GDF6: variants seen among roughly 807,000 people sequenced by gnomAD.
GDF6 encodes the protein growth/differentiation factor 6.
Under a neutral mutation model 32.4 loss-of-function variants are expected in GDF6, and 3 were observed. That is an observed-to-expected ratio of 0.09 (90% CI 0.04 to 0.24). The LOEUF (loss-of-function observed/expected upper bound fraction) is 0.24. Ranked by LOEUF, GDF6 falls within the 10% of genes least tolerant of loss-of-function variation. The pLI, the probability that GDF6 is intolerant of heterozygous loss-of-function variation, is 1.00. For synonymous variants in GDF6, 296 were observed against 295.3 expected (o/e 1.00, Z -0.03); for missense variants, 589 against 637.9 (o/e 0.92, Z 0.83).
rs527612795 is a variant in GDF6 at position 96,160,598 on chromosome 8, G to C, written c.95C>G (p.Ser32Trp). The part of the protein sequence containing the change: ...GFQQASISSS[S>W]SSAELGSTKG... ...GGTGGAACCCAGCTCGGCGGACGAC[G>C]AGGAGGATGAGATGGAAGCCTGCTG... is the stretch of plus-strand genomic sequence containing the variant. Residue 32 changes from serine (S) to tryptophan (W), a missense_variant, in exon 1 of 2, where the codon TCG (serine) becomes TGG (tryptophan). Ser to Trp is a radical substitution (Grantham distance 177). Coordinates refer to ENST00000287020, the MANE Select transcript of GDF6 (RefSeq NM_001001557.4). The C allele has an allele frequency of 1.2e-6, 2 of 1,613,584 alleles. No homozygotes were observed. Among genetic ancestry groups the C allele is most frequent in the African/African-American group, 1.3e-5 (1 of 74,934 alleles).
Position 96,160,793 on chromosome 8 carries a change from C to A in GDF6, c.-101G>T. 1.7e-6 allele frequency: 2 copies of A among 1,210,554 alleles called. No homozygotes were observed. The highest frequency in any genetic ancestry group is 1.4e-5 in the South Asian group (1 of 71,170). The allele number at this position is 1,210,554 out of a possible 1,614,324, so 75.0% of individuals were successfully genotyped here. On this transcript the variant is annotated 5_prime_UTR_variant, in exon 1 of 2. Transcript: ENST00000287020. Reference sequence around the variant, plus strand: ...AGCGGCCGGGGCCCGGCTCCTCGGGCGGACTCGGAGTGCGAGGAGCCGGGT... The same window carrying A: ...AGCGGCCGGGGCCCGGCTCCTCGGGAGGACTCGGAGTGCGAGGAGCCGGGT...
At chr8:96,160,155 A>G (rs563681531) in intron 1 of GDF6, 132 bp downstream of exon 1, 30 of 982,720 alleles carry the variant, frequency 3.1e-5, no homozygotes, top group Non-Finnish European at 4.6e-5. Context: ...CTTGAGAAAA[A>G]CAATTTAAGA....
chr8:96,156,378 CT>C (rs2130230143), intron 1 of GDF6, among the ~76,000 whole-genome samples: 5 of 492 alleles, frequency 0.01, no homozygotes, highest in East Asian at 0.12. Flanking sequence ...CTCTCTTTCC[CT>C]CTCTCTCTCT....
intron 1 of GDF6, 71 bp downstream of exon 1, chr8:96,160,216 T>A: frequency 1.4e-6 from 2 of 1,474,714 alleles, no homozygotes; most frequent in Non-Finnish European, 1.9e-6. Flanking sequence ...AAATGTAGCC[T>A]CCAGCGGGAA....
Position 96,145,618 on chromosome 8 carries a change from G to T in GDF6, c.407-94C>A. 4 of 1,506,192 alleles carry T rather than the reference G, an allele frequency of 2.7e-6. No individual in the cohort carries two copies. The South Asian group carries it at 4.6e-5, about 17-fold the overall frequency. The allele number at this position is 1,506,192 out of a possible 1,614,324, so 93.3% of individuals were successfully genotyped here. On this transcript the variant is annotated intron_variant, in intron 1 of 1. Transcript: ENST00000287020. The surrounding 1 kb of genome is among the most constrained non-coding windows in gnomAD (Gnocchi z 5.6). Reference sequence around the variant, plus strand: ...CCCCGGGAGGAAAAGGGCGGGGAGTGGGGGCAGGTCGGCCGGGCAGTCCAG... The same window carrying T: ...CCCCGGGAGGAAAAGGGCGGGGAGTTGGGGCAGGTCGGCCGGGCAGTCCAG...
chr8:96,160,518 C>T lies in GDF6; in HGVS notation c.175G>A (p.Asp59Asn). The change falls in exon 1 of 2, where the codon GAC becomes AAC. Residue 59 changes from aspartate (D) to asparagine (N), a missense_variant. Asp to Asn is a conservative substitution (Grantham distance 23). This residue lies in a region of GDF6 where 436 missense variants were observed against 411.2 expected (regional missense o/e 1.06). Transcript: ENST00000287020. Reference sequence around the variant, plus strand: ...GGTTCCTGGCCCTCCCGGCCCGCGTCACTGTCGCGCGGCGCCCGCTGCATC... The same window carrying T: ...GGTTCCTGGCCCTCCCGGCCCGCGTTACTGTCGCGCGGCGCCCGCTGCATC... The part of the protein sequence containing the change: ...GKMQRAPRDS[D>N]AGREGQEPQP... The T allele has an allele frequency of 6.2e-7, 1 of 1,613,264 alleles. No homozygotes were observed. The highest frequency in any genetic ancestry group is 1.1e-5 in the South Asian group (1 of 91,056).
Position 96,144,482 on chromosome 8 carries a change from G to T in GDF6, c.*81C>A. 2 of 1,536,272 alleles carry T rather than the reference G, an allele frequency of 1.3e-6. No individual in the cohort carries two copies. The highest frequency in any genetic ancestry group is 3.6e-4 in the Middle Eastern group (2 of 5,518). On this transcript the variant is annotated 3_prime_UTR_variant, in exon 2 of 2. Transcript: ENST00000287020. This position sits in a 1 kb window ranked among gnomAD's most constrained non-coding sequence, Gnocchi z 5.1. Reference sequence around the variant, plus strand: ...TCCCCCAGCGCCAGCTTCCTCCTCCGCCTCTCTGCAGCCAGGCCTCCCCTG... The same window carrying T: ...TCCCCCAGCGCCAGCTTCCTCCTCCTCCTCTCTGCAGCCAGGCCTCCCCTG...
chr8:96,150,578 T>C (rs960835792), intron 1 of GDF6, among the ~76,000 whole-genome samples: 1 of 152,256 alleles, frequency 6.6e-6, no homozygotes, highest in African/African-American at 2.4e-5. Flanking sequence ...TACTCACTTA[T>C]AGATGAAGAA....
chr8:96,154,295 G>T (rs1009066934), intron 1 of GDF6, among the ~76,000 whole-genome samples: 1 of 151,996 alleles, frequency 6.6e-6, no homozygotes, highest in South Asian at 2.1e-4. Flanking sequence ...CCCTAGGAAC[G>T]TTGTCCAGCG....
chr8:96,146,697 C>CAG (rs1326878791), intron 1 of GDF6, among the ~76,000 whole-genome samples: 1 of 127,012 alleles, frequency 7.9e-6, no homozygotes, highest in African/African-American at 3.4e-5. Flanking sequence ...CACACACACA[C>CAG]ACACACACAC....
chr8:96,154,245 C>T (rs1189406926), intron 1 of GDF6, among the ~76,000 whole-genome samples: 1 of 152,116 alleles, frequency 6.6e-6, no homozygotes, highest in Non-Finnish European at 1.5e-5. Flanking sequence ...CCATGCCCCG[C>T]CCCCAGGCGC....
rs1812425955 is a variant in GDF6 at position 96,144,286 on chromosome 8, GA to G, written c.*276del. ...AGAGAGAGAGAGAGAGAGAGAGAGA[GA>G]GAGAAAACAGAACAAAAGAAATCCT... On this transcript the variant is annotated 3_prime_UTR_variant, in exon 2 of 2. Transcript: ENST00000287020. This position sits in a 1 kb window ranked among gnomAD's most constrained non-coding sequence, Gnocchi z 5.1. The G allele has an allele frequency of 1.5e-5, 7 of 475,784 alleles. No homozygotes were observed. Among genetic ancestry groups the G allele is most frequent in the African/African-American group, 8.9e-5 (4 of 44,722 alleles). 29.5% of individuals were successfully genotyped at this position (475,784 alleles called of 1,614,324 possible).
Position 96,144,677 on chromosome 8 carries a change from G to A in GDF6, c.1254C>T (p.Ser418=), listed in dbSNP as rs1195615332. Residue 418 remains serine, a synonymous_variant, in exon 2 of 2, where the codon AGC becomes AGT. Transcript: ENST00000287020. The surrounding 1 kb of genome is among the most constrained non-coding windows in gnomAD (Gnocchi z 5.1). ...NSMDPGSTPP[S]CCVPTKLTPI... Reference sequence around the variant, plus strand: ...GAGTCAATTTGGTGGGCACGCAGCAGCTGGGCGGGGTGGAGCCGGGGTCCA... The same window carrying A: ...GAGTCAATTTGGTGGGCACGCAGCAACTGGGCGGGGTGGAGCCGGGGTCCA... 6.2e-7 allele frequency: 1 copy of A among 1,614,080 alleles called. No individual in the cohort carries two copies. Among genetic ancestry groups the A allele is most frequent in the African/African-American group, 1.3e-5 (1 of 74,942 alleles).
At chr8:96,152,962 G>T (rs1812593154) in intron 1 of GDF6, among the ~76,000 whole-genome samples, 1 of 152,182 alleles carries the variant, frequency 6.6e-6, no homozygotes, top group African/African-American at 2.4e-5. Flanking sequence ...GCGGCTCAAG[G>T]TGAGGCAAAT....
In GDF6 at chr8:96,160,806, C is replaced by G. The variant is rs1314006802; in HGVS notation, c.-114G>C. ...CGGCTCCTCGGGCGGACTCGGAGTG[C>G]GAGGAGCCGGGTCCCAGCCACACAA... On this transcript the variant is annotated 5_prime_UTR_variant, in exon 1 of 2. Coordinates refer to ENST00000287020, the MANE Select transcript of GDF6 (RefSeq NM_001001557.4). The G allele has an allele frequency of 1.0e-6, 1 of 966,018 alleles. No individual in the cohort carries two copies. The highest frequency in any genetic ancestry group is 1.5e-6 in the Non-Finnish European group (1 of 667,756). The allele number at this position is 966,018 out of a possible 1,614,324, so 59.8% of individuals were successfully genotyped here.
chr8:96,160,357 G>A lies in GDF6; in HGVS notation c.336C>T (p.Gly112=). 4 of 1,614,140 alleles carry A rather than the reference G, an allele frequency of 2.5e-6. No homozygotes were observed. Among genetic ancestry groups the A allele is most frequent in the Non-Finnish European group, 3.4e-6 (4 of 1,179,972 alleles). ...YRTYSIAEKL[G]INASFFQSSK... ...AAGACTGGAAAAAGCTGGCATTGAT[G>A]CCCAGCTTCTCAGCGATGGAGTAAG... The change falls in exon 1 of 2, where the codon GGC becomes GGT. Residue 112 remains glycine, a synonymous_variant. Transcript: ENST00000287020.
At position 96,145,563 on chromosome 8, in the gene GDF6, G is replaced by C. The variant is rs77859767; in HGVS notation, c.407-39C>G. 3,781 of 1,596,918 alleles carry C rather than the reference G, an allele frequency of 2.4e-3. 7 individuals carry two copies. The highest frequency in any genetic ancestry group is 2.8e-3 in the Non-Finnish European group (3,352 of 1,179,392). On this transcript the variant is annotated intron_variant, in intron 1 of 1. Transcript: ENST00000287020. This position sits in a 1 kb window ranked among gnomAD's most constrained non-coding sequence, Gnocchi z 5.6. The stretch of plus-strand genomic sequence containing the variant: ...AATAATTACAGTCAGTTTCACTTAA[G>C]GGGGAGATCAGCCCGGTGCTCTTCG...
In GDF6 at chr8:96,160,598, G is replaced by A. The variant is rs527612795; in HGVS notation, c.95C>T (p.Ser32Leu). ...GGTGGAACCCAGCTCGGCGGACGAC[G>A]AGGAGGATGAGATGGAAGCCTGCTG... ...GFQQASISSS[S>L]SSAELGSTKG... Residue 32 changes from serine to leucine, a missense_variant, in exon 1 of 2, where the codon TCG becomes TTG. Physicochemically the swap from Ser to Leu is moderately radical, Grantham distance 145. Around this residue, in one of 2 missense-constraint regions of GDF6, gnomAD observed 436 missense variants for 411.2 expected, o/e 1.06. Coordinates refer to ENST00000287020, the MANE Select transcript of GDF6 (RefSeq NM_001001557.4). 5.6e-6 allele frequency: 9 copies of A among 1,613,696 alleles called. No homozygotes were observed. The East Asian group carries it at 1.8e-4, about 32-fold the overall frequency.
rs1272698494 is a variant in GDF6, at chr8:96,144,513, C to T, written c.*50G>A. 4 of 1,600,102 alleles carry T rather than the reference C, an allele frequency of 2.5e-6. No individual in the cohort carries two copies. The highest frequency in any genetic ancestry group is 3.4e-6 in the Non-Finnish European group (4 of 1,173,736). ...CTGCAGCCAGGCCTCCCCTGCAAGG[C>T]GGACCTTGGCCCACCTTGGTTCCGG... On this transcript the variant is annotated 3_prime_UTR_variant, in exon 2 of 2. Coordinates refer to ENST00000287020, the MANE Select transcript of GDF6 (RefSeq NM_001001557.4). The surrounding 1 kb of genome is among the most constrained non-coding windows in gnomAD (Gnocchi z 5.1).
Sources: gnomAD v4.1 joint callset for allele counts (sites outside exome capture counted in the v4.1 genomes callset) on GRCh38, gnomAD v4.1.1 for gene constraint, gnomAD v4.1.1 regional missense constraint, Gnocchi (gnomAD v3.1) non-coding constraint, MANE v1.5 for transcripts, NCBI Gene and HGNC (gene_info 2026-07-23, HGNC 2026-07-21) for gene names.